FAM98A: variants seen among roughly 807,000 people sequenced by gnomAD.
FAM98A encodes the protein protein FAM98A.
FAM98A carries 25 observed loss-of-function variants against 62.9 expected under a neutral mutation model. The ratio of observed to expected loss-of-function variants is 0.40; its 90% CI spans 0.29 to 0.56. FAM98A has a LOEUF of 0.56. Among genes scored for constraint, FAM98A ranks in the 20% least tolerant of loss-of-function variants. The probability of loss-of-function intolerance (pLI) is 0.51; values close to 1 mark genes in which losing one functional copy is unlikely to be tolerated. For missense variants in FAM98A, 653 were observed against 640.7 expected, an observed-to-expected ratio of 1.02 and a Z score of -0.21; for synonymous variants, 252 against 228.6, an observed-to-expected ratio of 1.10 and a Z score of -0.92.
intron 2 of FAM98A, among the ~76,000 whole-genome samples, chr2:33,593,506 C>A (rs545703934): frequency 3.7e-4 from 56 of 152,282 alleles, no homozygotes; most frequent in African/African-American, 1.3e-3. Flanking sequence ...GACTTACAGT[C>A]TTGTATTCCC....
intron 3 of FAM98A, among the ~76,000 whole-genome samples, chr2:33,590,797 C>T (rs1053850130): frequency 6.6e-6 from 1 of 152,094 alleles, no homozygotes; most frequent in African/African-American, 2.4e-5. Context: ...GCATTTTATA[C>T]TTACATTCAA....
intron 3 of FAM98A, among the ~76,000 whole-genome samples, chr2:33,590,555 C>T (rs1247116841): frequency 1.3e-5 from 2 of 151,868 alleles, no homozygotes; most frequent in African/African-American, 2.4e-5. Flanking sequence ...AAGGGAGAAT[C>T]GGCAGAAGCA....
At chr2:33,599,048 C>T in intron 1 of FAM98A, 121 bp downstream of exon 1, 2 of 825,816 alleles carry the variant, frequency 2.4e-6, no homozygotes, top group South Asian at 1.4e-5. Flanking sequence ...CAAAGGGAAG[C>T]GACAGCCAGG....
rs1345884112 is a variant in FAM98A, at chr2:33,584,760, G to A, written c.*16C>T. 6.4e-7 allele frequency: 1 copy of A among 1,560,156 alleles called. No individual in the cohort carries two copies. The highest frequency in any genetic ancestry group is 1.2e-5 in the South Asian group (1 of 85,514). On this transcript the variant is annotated 3_prime_UTR_variant, in exon 8 of 8. Coordinates refer to ENST00000238823, the MANE Select transcript of FAM98A (RefSeq NM_015475.5). ...TCTATTACTTGAGCTCTAGCAAAAT[G>A]TAAGGTTCGGTAGCCTCAACTAGTG... is the stretch of plus-strand genomic sequence containing the variant.
In FAM98A at chr2:33,592,187, A is replaced by C; in HGVS notation, c.230T>G (p.Leu77Arg). Reference sequence around the variant, plus strand: ...CTCCCCTAGTAGCCCACTCACCTCAAGCTGGAATTCTTCAGCTTCACTCGG... The same window carrying C: ...CTCCCCTAGTAGCCCACTCACCTCACGCTGGAATTCTTCAGCTTCACTCGG... Reference protein sequence around the residue: ...NSPSEAEEFQLEVSGLLGEMN... With the variant: ...NSPSEAEEFQREVSGLLGEMN... Residue 77 changes from leucine (L) to arginine (R), a missense_variant, in exon 3 of 8, where the codon CTT becomes CGT. Coordinates refer to ENST00000238823, the MANE Select transcript of FAM98A (RefSeq NM_015475.5). 6.2e-7 allele frequency: 1 copy of C among 1,612,520 alleles called. No homozygotes were observed. The highest frequency in any genetic ancestry group is 8.5e-7 in the Non-Finnish European group (1 of 1,178,872).
intron 3 of FAM98A, among the ~76,000 whole-genome samples, chr2:33,590,249 G>A (rs1372739410): frequency 6.6e-6 from 1 of 152,112 alleles, no homozygotes; most frequent in Non-Finnish European, 1.5e-5. Context: ...CCAATGAAGA[G>A]CCAAACAGAG....
rs567032920 is a variant in FAM98A, at chr2:33,592,116, G to C, written c.301C>G (p.Arg101Gly). Residue 101 changes from arginine to glycine, a missense_variant, in exon 3 of 8, where the codon CGC becomes GGC. Arg to Gly is a moderately radical substitution (Grantham distance 125, BLOSUM62 -2). Transcript: ENST00000238823. ...AGGCAGTTCTTCTGAATGAGAAGGC[G>C]CTTGGTCACATCCCCAGATGTCAGT... is the stretch of plus-strand genomic sequence containing the variant. ...LSLTSGDVTK[R>G]LLIQKNCLLL... 6.2e-7 allele frequency: 1 copy of C among 1,613,360 alleles called. No homozygotes were observed. Among genetic ancestry groups the C allele is most frequent in the South Asian group, 1.1e-5 (1 of 90,998 alleles).
rs1342323515 is a variant in FAM98A at position 33,588,434 on chromosome 2, C to A, written c.423G>T (p.Glu141Asp). The A allele has an allele frequency of 6.2e-7, 1 of 1,613,452 alleles. No homozygotes were observed. The highest frequency in any genetic ancestry group is 8.5e-7 in the Non-Finnish European group (1 of 1,179,658). The stretch of plus-strand genomic sequence containing the variant: ...ATATGCCTTTCAACTCTTGAAAGAC[C>A]TCACTACCGCCTCCTTCTTGAGCTT... ...PKKAQEGGGSEVFQELKGICI... is the reference protein window; with the variant it reads ...PKKAQEGGGSDVFQELKGICI... Residue 141 changes from glutamate (E) to aspartate (D), a missense_variant, in exon 4 of 8, where the codon GAG (glutamate) becomes GAT (aspartate). Physicochemically the swap from Glu to Asp is conservative, Grantham distance 45. Coordinates refer to ENST00000238823, the MANE Select transcript of FAM98A (RefSeq NM_015475.5).
At chr2:33,594,269 A>G (rs1400723724) in intron 2 of FAM98A, among the ~76,000 whole-genome samples, 1 of 152,114 alleles carries the variant, frequency 6.6e-6, no homozygotes, top group East Asian at 1.9e-4. Context: ...CACATTAAAT[A>G]TACCAGCATG....
chr2:33,589,495 A>G (rs1243934853), intron 3 of FAM98A: 1 of 152,196 alleles, frequency 6.6e-6, no homozygotes, highest in Non-Finnish European at 1.5e-5. Context: ...AGAAGTAGAA[A>G]AAAGTCAACT....
At chr2:33,597,688 C>T (rs1418193629) in intron 1 of FAM98A, among the ~76,000 whole-genome samples, 2 of 152,162 alleles carry the variant, frequency 1.3e-5, no homozygotes, top group Admixed American at 1.3e-4. Flanking sequence ...ATAAGGTCTA[C>T]CCCCTTCCTT....
chr2:33,596,278 A>C (rs1189868388), intron 1 of FAM98A, among the ~76,000 whole-genome samples: 1 of 152,240 alleles, frequency 6.6e-6, no homozygotes, highest in Non-Finnish European at 1.5e-5. Flanking sequence ...TTATAAATTT[A>C]ATGCCAGTTA....
In FAM98A at chr2:33,585,689, T is replaced by G. The variant is rs757161813; in HGVS notation, c.729A>C (p.Thr243=). 5.6e-6 allele frequency: 9 copies of G among 1,611,412 alleles called. No individual in the cohort carries two copies. In the South Asian group the frequency reaches 8.8e-5, roughly 16 times the overall value. ...FGWSDRAKSQ[T]EKLAKVYQPK... is the part of the protein sequence containing the mutation. ...GCTGGTAAACCTTGGCTAATTTTTC[T>G]GTCTGGCTCTGTTGAAAGAAAAGTG... is the stretch of plus-strand genomic sequence containing the variant. Residue 243 remains threonine, a synonymous_variant, in exon 7 of 8, where the codon ACA becomes ACC. Transcript: ENST00000238823.
chr2:33,587,194 A>G (rs1238781215), intron 5 of FAM98A, 46 bp downstream of exon 5: 11 of 1,184,232 alleles, frequency 9.3e-6, no homozygotes, highest in Non-Finnish European at 1.4e-5. Flanking sequence ...AAAATCATAA[A>G]CTCTATAGTT....
At position 33,593,015 on chromosome 2, in the gene FAM98A, C is replaced by T. The variant is rs139784030; in HGVS notation, c.203-801G>A. On this transcript the variant is annotated intron_variant, in intron 2 of 7. Coordinates refer to ENST00000238823, the MANE Select transcript of FAM98A (RefSeq NM_015475.5). ...CATCCATCAAAGCCCAGTGGCCTTG[C>T]TCCTTGATGAAACCTTCCTTGTACT... 2.9e-3 allele frequency among the ~76,000 whole-genome samples: 435 copies of T among 152,322 alleles called. 2 individuals are homozygous for T. Among genetic ancestry groups the T allele is most frequent in the African/African-American group, 0.01 (426 of 41,574 alleles).
intron 2 of FAM98A, 46 bp downstream of exon 2, chr2:33,595,442 TC>T: frequency 6.6e-7 from 1 of 1,508,402 alleles, no homozygotes; most frequent in South Asian, 1.2e-5. Context: ...TGACAATACC[TC>T]AATGTTATTT....
intron 3 of FAM98A, chr2:33,589,949 T>C (rs1281323370): frequency 3.3e-5 from 5 of 152,196 alleles, no homozygotes; most frequent in African/African-American, 9.6e-5. Context: ...CTATATGATT[T>C]AATATATTGG....
intron 1 of FAM98A, among the ~76,000 whole-genome samples, chr2:33,598,731 T>A (rs762644674): frequency 5.3e-5 from 8 of 150,266 alleles, no homozygotes; most frequent in Non-Finnish European, 1.2e-4. Flanking sequence ...TTGAGAGAAG[T>A]GGGGTGGGGT....
chr2:33,596,988 T>C (rs1168081435), intron 1 of FAM98A, among the ~76,000 whole-genome samples: 1 of 152,102 alleles, frequency 6.6e-6, no homozygotes, highest in Non-Finnish European at 1.5e-5. Flanking sequence ...ATTATAGGTT[T>C]ATACAGTATA....
Sources: gnomAD v4.1 joint callset for allele counts (sites outside exome capture counted in the v4.1 genomes callset) on GRCh38, gnomAD v4.1.1 for gene constraint, MANE v1.5 for transcripts, NCBI Gene and HGNC (gene_info 2026-07-23, HGNC 2026-07-21) for gene names.